ERCC6: variants seen among roughly 807,000 people sequenced by gnomAD.
The protein encoded by ERCC6 is ERCC excision repair 6, chromatin remodeling factor.
Under a neutral mutation model 158.7 loss-of-function variants are expected in ERCC6, and 116 were observed. The observed-to-expected ratio is 0.73, with a 90% CI of 0.63 to 0.85. ERCC6 has a LOEUF of 0.85. ERCC6 is among the 40% of genes least tolerant of loss of function. The pLI is 0.00. For synonymous variants in ERCC6, 678 were observed against 659.3 expected, an observed-to-expected ratio of 1.03 and a Z score of -0.43; for missense variants, 1,698 against 1,799.4, an observed-to-expected ratio of 0.94 and a Z score of 1.02.
chr10:49,464,935 G>A lies in ERCC6; in HGVS notation c.3779-3379C>T, dbSNP rs373513010. The stretch of plus-strand genomic sequence containing the variant: ...TCCTAGGGCAGTGCAGAAGGAAAAT[G>A]TTGGGTTGGAGTCCCCACACAGAGT... On this transcript the variant is annotated intron_variant, in intron 18 of 20. Coordinates refer to ENST00000355832, the MANE Select transcript of ERCC6 (RefSeq NM_000124.4). 7.2e-5 allele frequency among the ~76,000 whole-genome samples: 11 copies of A among 152,364 alleles called. 1 individual carries two copies. The highest frequency in any genetic ancestry group is 2.4e-4 in the African/African-American group (10 of 41,586).
At chr10:49,536,658 T>C (rs1373584257) in intron 1 of ERCC6, among the ~76,000 whole-genome samples, 2 of 152,102 alleles carry the variant, frequency 1.3e-5, no homozygotes, top group African/African-American at 4.8e-5. Flanking sequence ...GAACAAACAC[T>C]GATGATTGCT....
At chr10:49,478,075 G>T (rs951586617) in intron 11 of ERCC6, among the ~76,000 whole-genome samples, 2 of 152,198 alleles carry the variant, frequency 1.3e-5, no homozygotes, top group African/African-American at 4.8e-5. Flanking sequence ...CATATGGTTG[G>T]CACCTAATAC....
chr10:49,450,033 C>G (rs996546058), downstream of ERCC6, among the ~76,000 whole-genome samples: 2 of 152,038 alleles, frequency 1.3e-5, no homozygotes. Context: ...TGACCATGAC[C>G]AGCTAACTTG....
chr10:49,463,522 A>G (rs1057111059), intron 18 of ERCC6, among the ~76,000 whole-genome samples: 5 of 152,366 alleles, frequency 3.3e-5, no homozygotes, highest in African/African-American at 9.6e-5. Context: ...AATATAGTAT[A>G]CAACCTTTTG....
At position 49,493,216 on chromosome 10, in the gene ERCC6, T is replaced by C; in HGVS notation, c.1722A>G (p.Pro574=). The C allele has an allele frequency of 5.0e-6, 8 of 1,614,188 alleles. No individual in the cohort carries two copies. Among genetic ancestry groups the C allele is most frequent in the Non-Finnish European group, 6.8e-6 (8 of 1,180,022 alleles). Residue 574 remains proline (P), a synonymous_variant, in exon 8 of 21, where the codon CCA becomes CCG. Coordinates refer to ENST00000355832, the MANE Select transcript of ERCC6 (RefSeq NM_000124.4). ...EGLGPTVIVC[P]TTVMHQWVKE... ...TCACCCACTGATGCATCACTGTTGT[T>C]GGACAGACAATTACAGTTGGACCCA...
intron 10 of ERCC6, among the ~76,000 whole-genome samples, chr10:49,479,252 C>T (rs1265776964): frequency 2.0e-5 from 3 of 151,916 alleles, no homozygotes; most frequent in Non-Finnish European, 4.4e-5. Flanking sequence ...GGAAAAAATT[C>T]CAACCAAAGT....
In ERCC6 at chr10:49,457,708, A is replaced by G. The variant is rs1850506483; in HGVS notation, c.*1107T>C. On this transcript the variant is annotated 3_prime_UTR_variant, in exon 21 of 21. Coordinates refer to ENST00000355832, the MANE Select transcript of ERCC6 (RefSeq NM_000124.4). ...AAGAAGAAATTTCAGGAATACGATG[A>G]ATTTCGGAAAACAACACTTCAAAGA... 1 of 152,244 alleles carries G rather than the reference A, an allele frequency of 6.6e-6. No individual in the cohort carries two copies. The highest frequency in any genetic ancestry group is 1.5e-5 in the Non-Finnish European group (1 of 68,050). 9.4% of individuals were successfully genotyped at this position (152,244 alleles called of 1,614,324 possible). A position where few individuals can be genotyped will look rare whatever the true frequency, so the allele number is the denominator to read the frequency against.
chr10:49,436,005 AAAG>A, the ERCC6 span, among the ~76,000 whole-genome samples: 3 of 35,232 alleles, frequency 8.5e-5, no homozygotes, highest in Admixed American at 4.2e-4. Context: ...GTCTCAAAAA[AAAG>A]AAAGAAAGAA....
chr10:49,501,533 C>T (rs986639433), intron 6 of ERCC6: 21 of 151,784 alleles, frequency 1.4e-4, no homozygotes, highest in African/African-American at 4.8e-5. Flanking sequence ...AATCTATAAC[C>T]TAAAAATAAA....
chr10:49,517,280 T>C (rs1375566204), intron 5 of ERCC6, among the ~76,000 whole-genome samples: 1 of 152,208 alleles, frequency 6.6e-6, no homozygotes. Context: ...AGAGAAGTTA[T>C]TTCTTAAAAA....
At chr10:49,490,073 T>C (rs762018091) in intron 8 of ERCC6, among the ~76,000 whole-genome samples, 13 of 152,212 alleles carry the variant, frequency 8.5e-5, no homozygotes, top group Non-Finnish European at 1.5e-4. Flanking sequence ...TTTTATTAAA[T>C]GCGATTTCAA....
chr10:49,495,142 G>A (rs572314381), intron 7 of ERCC6, among the ~76,000 whole-genome samples: 4 of 152,210 alleles, frequency 2.6e-5, no homozygotes, highest in South Asian at 2.1e-4. Flanking sequence ...CTCCACAAGC[G>A]GCACTCCCAT....
intron 5 of ERCC6, chr10:49,515,895 C>T (rs1439650291): frequency 1.2e-6 from 2 of 1,614,142 alleles, no homozygotes; most frequent in Admixed American, 1.7e-5. Context: ...GACAATATTG[C>T]CTTTGCCATC....
At chr10:49,459,833 A>T (rs1850546780) in intron 20 of ERCC6, among the ~76,000 whole-genome samples, 1 of 152,164 alleles carries the variant, frequency 6.6e-6, no homozygotes, top group South Asian at 2.1e-4. Flanking sequence ...CATTAACTTA[A>T]AATTGGAGTC....
Position 49,471,044 on chromosome 10 carries a change from G to A in ERCC6, c.3001C>T (p.Leu1001Phe). Residue 1001 changes from leucine (L) to phenylalanine (F), a missense_variant, in exon 17 of 21, where the codon CTC becomes TTC. By Grantham distance (22) the Leu-to-Phe change is conservative (BLOSUM62 0). Transcript: ENST00000355832. ...CTAGTCAGAGTAAATAGCTCATAGAGATCATTGGATTTGAAAAACCGCCTT... is the reference window on the plus strand; with the variant it reads ...CTAGTCAGAGTAAATAGCTCATAGAAATCATTGGATTTGAAAAACCGCCTT... ...KQRRFFKSNDLYELFTLTSPD... is the reference protein window; with the variant it reads ...KQRRFFKSNDFYELFTLTSPD... 2.5e-6 allele frequency: 4 copies of A among 1,614,070 alleles called. No homozygotes were observed. Among genetic ancestry groups the A allele is most frequent in the Non-Finnish European group, 3.4e-6 (4 of 1,179,974 alleles).
At chr10:49,500,905 C>T (rs1463103194) in intron 6 of ERCC6, 2 of 578,864 alleles carry the variant, frequency 3.5e-6, no homozygotes, top group Non-Finnish European at 6.1e-6. Context: ...TTTTTCTTTA[C>T]AAAACATTAA....
At chr10:49,453,141 G>C (rs1417044625), downstream of ERCC6, among the ~76,000 whole-genome samples, 1 of 151,988 alleles carries the variant, frequency 6.6e-6, no homozygotes, top group African/African-American at 2.4e-5. Flanking sequence ...TTTGCATCGA[G>C]TATTTTCTAA....
rs188521990 is a variant in ERCC6 at position 49,465,004 on chromosome 10, C to T, written c.3779-3448G>A. 5.0e-3 allele frequency among the ~76,000 whole-genome samples: 766 copies of T among 152,300 alleles called. 4 individuals are homozygous for T. Among genetic ancestry groups the T allele is most frequent in the Non-Finnish European group, 8.9e-3 (602 of 68,010 alleles). ...TAGTGGAGCTATGAGAAGAGGGCCACGGTCCTCCAGACCCCAGAACAGTAG... is the reference window on the plus strand; with the variant it reads ...TAGTGGAGCTATGAGAAGAGGGCCATGGTCCTCCAGACCCCAGAACAGTAG... On this transcript the variant is annotated intron_variant, in intron 18 of 20. Transcript: ENST00000355832.
chr10:49,536,782 G>A (rs1837609000), intron 1 of ERCC6, among the ~76,000 whole-genome samples: 1 of 152,178 alleles, frequency 6.6e-6, no homozygotes, highest in African/African-American at 2.4e-5. Flanking sequence ...TCACTATTGA[G>A]GGTTTTCAGA....
Sources: allele counts gnomAD v4.1 joint callset (sites outside exome capture counted in the v4.1 genomes callset), GRCh38; gene constraint gnomAD v4.1.1; transcripts MANE v1.5; gene names NCBI Gene and HGNC (gene_info 2026-07-23, HGNC 2026-07-21).